Variants in RIMS2 observed in about 807,000 individuals in gnomAD.
The protein encoded by RIMS2 is regulating synaptic membrane exocytosis protein 2.
RIMS2 carries 59 observed loss-of-function variants against 174.4 expected under a neutral mutation model. The observed-to-expected ratio is 0.34, with a 90% CI of 0.27 to 0.42. The LOEUF (loss-of-function observed/expected upper bound fraction) is 0.42. Among genes scored for constraint, RIMS2 ranks in the 10% least tolerant of loss-of-function variants. The probability of loss-of-function intolerance (pLI) is 1.00; values close to 1 mark genes in which losing one functional copy is unlikely to be tolerated. For synonymous variants in RIMS2, 606 were observed against 572.5 expected, an observed-to-expected ratio of 1.06 and a Z score of -0.84; for missense variants, 1,620 against 1,666.3, an observed-to-expected ratio of 0.97 and a Z score of 0.48.
chr8:103,950,201 T>G (rs2084989298), intron 14 of RIMS2, among the ~76,000 whole-genome samples: 1 of 152,102 alleles, frequency 6.6e-6, no homozygotes, highest in Non-Finnish European at 1.5e-5. Flanking sequence ...CATGTAAGGG[T>G]GATAAAATAC....
At chr8:103,631,330 G>T (rs923473684) in intron 1 of RIMS2, among the ~76,000 whole-genome samples, 1 of 152,174 alleles carries the variant, frequency 6.6e-6, no homozygotes, top group African/African-American at 2.4e-5. Flanking sequence ...AAGGGGTCCT[G>T]CTTCAATCTT....
chr8:104,255,716 A>G (rs1167201577), downstream of RIMS2: 1 of 152,224 alleles, frequency 6.6e-6, no homozygotes, highest in Non-Finnish European at 1.5e-5. Flanking sequence ...CATGTGCTCA[A>G]TGTGTTTGTC....
At chr8:104,139,824 A>T (rs1034304497) in intron 19 of RIMS2, among the ~76,000 whole-genome samples, 1 of 152,162 alleles carries the variant, frequency 6.6e-6, no homozygotes, top group Non-Finnish European at 1.5e-5. Flanking sequence ...GAAAATGGCC[A>T]TCTTTGCCAT....
At chr8:103,848,142 C>T (rs1229740389) in intron 3 of RIMS2, among the ~76,000 whole-genome samples, 1 of 151,978 alleles carries the variant, frequency 6.6e-6, no homozygotes, top group Non-Finnish European at 1.5e-5. Context: ...TGTGTTATGA[C>T]CTTAGGCTTC....
chr8:104,035,774 G>A (rs547552102), intron 19 of RIMS2, among the ~76,000 whole-genome samples: 1 of 152,074 alleles, frequency 6.6e-6, no homozygotes, highest in South Asian at 2.1e-4. Context: ...TCTGGAAAAA[G>A]GAATTAGGGT....
chr8:104,069,447 G>GTATT (rs2097159212), intron 19 of RIMS2, among the ~76,000 whole-genome samples: 1 of 145,446 alleles, frequency 6.9e-6, no homozygotes, highest in Non-Finnish European at 1.5e-5. Flanking sequence ...AGGAAATAAA[G>GTATT]TATTAATTAA....
intron 13 of RIMS2, among the ~76,000 whole-genome samples, chr8:103,936,958 C>T (rs1236289192): frequency 6.6e-6 from 1 of 151,838 alleles, no homozygotes; most frequent in Non-Finnish European, 1.5e-5. Flanking sequence ...ATTAGCCGGG[C>T]ATGGTGGTGG....
At chr8:103,590,658 C>T (rs2094208654) in intron 1 of RIMS2, among the ~76,000 whole-genome samples, 1 of 151,014 alleles carries the variant, frequency 6.6e-6, no homozygotes, top group African/African-American at 2.4e-5. Context: ...TATATTTTAT[C>T]CACCTCCCTG....
At chr8:103,602,535 C>G (rs966553902) in intron 1 of RIMS2, among the ~76,000 whole-genome samples, 1 of 152,134 alleles carries the variant, frequency 6.6e-6, no homozygotes, top group African/African-American at 2.4e-5. Flanking sequence ...TTAGCTCCCA[C>G]TTACAAGTGA....
intron 1 of RIMS2, among the ~76,000 whole-genome samples, chr8:103,632,276 CTTA>C (rs781362303): frequency 6.6e-6 from 1 of 152,068 alleles, no homozygotes; most frequent in African/African-American, 2.4e-5. Context: ...ATAGATGACT[CTTA>C]TTATTTTAAG....
chr8:104,104,796 C>G lies in RIMS2; in HGVS notation c.3334+90181C>G, dbSNP rs73297581. On this transcript the variant is annotated intron_variant, in intron 19 of 23. Coordinates refer to ENST00000504942, the Ensembl canonical transcript of RIMS2. The stretch of plus-strand genomic sequence containing the variant: ...TTGGGAGGCTGAGATGGGAGGATCC[C>G]TTTGGCTAGTGAGGCAAAGGCTGCA... 6.8e-3 allele frequency among the ~76,000 whole-genome samples: 1,031 copies of G among 151,464 alleles called. 14 individuals are homozygous for G. Among genetic ancestry groups the G allele is most frequent in the African/African-American group, 0.024 (973 of 41,258 alleles).
Position 103,757,345 on chromosome 8 carries a change from TTTAA to T in RIMS2, c.388-8871_388-8868del, listed in dbSNP as rs1213370642. ...ATTGATAATGCCATTTTATTTCTATTTTAATTAATTAATTTGGTGAATTTGATTA... is the reference window on the plus strand; with the variant it reads ...ATTGATAATGCCATTTTATTTCTATTTTAATTAATTTGGTGAATTTGATTA... On this transcript the variant is annotated intron_variant, in intron 2 of 23. Transcript: ENST00000504942. 4.6e-5 allele frequency among the ~76,000 whole-genome samples: 7 copies of T among 152,338 alleles called. No homozygotes were observed. The East Asian group carries it at 5.8e-4, about 13-fold the overall frequency.
intron 3 of RIMS2, among the ~76,000 whole-genome samples, chr8:103,834,798 A>G (rs1383907112): frequency 2.1e-5 from 3 of 144,958 alleles, no homozygotes; most frequent in African/African-American, 7.7e-5. Flanking sequence ...CTTTCGAGAC[A>G]GGGTCTCACT....
chr8:104,174,247 C>T (rs996662228), intron 19 of RIMS2, among the ~76,000 whole-genome samples: 1 of 152,008 alleles, frequency 6.6e-6, no homozygotes, highest in African/African-American at 2.4e-5. Context: ...GCACCCGGCC[C>T]TAAAGGATCA....
intron 1 of RIMS2, among the ~76,000 whole-genome samples, chr8:103,541,340 A>G (rs1349177351): frequency 6.6e-6 from 1 of 152,254 alleles, no homozygotes; most frequent in Non-Finnish European, 1.5e-5. Context: ...TGATGTATTC[A>G]AAGTGCTGAA....
At chr8:103,937,637 T>A (rs1164786170) in intron 13 of RIMS2, among the ~76,000 whole-genome samples, 1 of 152,140 alleles carries the variant, frequency 6.6e-6, no homozygotes, top group Non-Finnish European at 1.5e-5. Flanking sequence ...TCAAAGGAAG[T>A]CTTCACAAAG....
intron 1 of RIMS2, among the ~76,000 whole-genome samples, chr8:103,537,975 A>G (rs1840626983): frequency 6.6e-6 from 1 of 152,160 alleles, no homozygotes; most frequent in Non-Finnish European, 1.5e-5. Flanking sequence ...TTTCTGGCCA[A>G]CACAGTTAAT....
chr8:103,749,258 T>C (rs922330733), intron 2 of RIMS2, among the ~76,000 whole-genome samples: 40 of 151,752 alleles, frequency 2.6e-4, no homozygotes, highest in Admixed American at 2.5e-3. Context: ...ACTACAGGCA[T>C]CCGCCAGCAC....
intron 1 of RIMS2, among the ~76,000 whole-genome samples, chr8:103,623,969 G>A (rs935209258): frequency 5.3e-5 from 8 of 152,054 alleles, no homozygotes; most frequent in African/African-American, 1.9e-4. Flanking sequence ...GGGAAAAAAT[G>A]GTCAATTAAA....
Sources: gnomAD v4.1 joint callset for allele counts (sites outside exome capture counted in the v4.1 genomes callset) on GRCh38, gnomAD v4.1.1 for gene constraint, MANE v1.5 for transcripts, NCBI Gene and HGNC (gene_info 2026-07-23, HGNC 2026-07-21) for gene names.